LPAR3: variants seen among roughly 807,000 people sequenced by gnomAD.
LPAR3 encodes lysophosphatidic acid receptor 3.
Under a neutral mutation model 17.8 loss-of-function variants are expected in LPAR3, and 7 were observed. That is an observed-to-expected ratio of 0.39 (90% CI 0.22 to 0.74). The LOEUF (loss-of-function observed/expected upper bound fraction) is 0.74, where lower values mean the gene tolerates loss of function less well. Among genes scored for constraint, LPAR3 ranks in the 30% least tolerant of loss-of-function variants. LPAR3 has a pLI of 0.40. For missense variants in LPAR3, 391 were observed against 453.4 expected, an observed-to-expected ratio of 0.86 and a Z score of 1.25; for synonymous variants, 179 against 179.9, an observed-to-expected ratio of 0.99 and a Z score of 0.04.
intron 1 of LPAR3, among the ~76,000 whole-genome samples, chr1:84,891,777 T>G (rs1209509650): frequency 6.6e-6 from 1 of 152,240 alleles, no homozygotes; most frequent in Non-Finnish European, 1.5e-5. Flanking sequence ...ACAGACTAAG[T>G]TGGAACCGTG....
intron 1 of LPAR3, among the ~76,000 whole-genome samples, chr1:84,868,329 C>A (rs992006860): frequency 2.0e-5 from 3 of 152,054 alleles, no homozygotes; most frequent in African/African-American, 7.2e-5. Flanking sequence ...AGGATGGTCT[C>A]GAACTCCTGA....
intron 2 of LPAR3, among the ~76,000 whole-genome samples, chr1:84,855,284 C>T (rs1056231846): frequency 6.6e-5 from 10 of 152,232 alleles, no homozygotes; most frequent in African/African-American, 1.7e-4. Context: ...GGCCAGCACA[C>T]ACCATACTAT....
intron 2 of LPAR3, among the ~76,000 whole-genome samples, chr1:84,849,385 A>AC (rs1357881315): frequency 1.3e-5 from 2 of 151,216 alleles, no homozygotes; most frequent in African/African-American, 4.9e-5. Flanking sequence ...AAAAAAAAAA[A>AC]AAAAAAAAGA....
chr1:84,838,593 C>A (rs1659447960), intron 2 of LPAR3, among the ~76,000 whole-genome samples: 1 of 152,234 alleles, frequency 6.6e-6, no homozygotes, highest in Non-Finnish European at 1.5e-5. Context: ...GTGATTACAT[C>A]AGACCACTAT....
At chr1:84,865,035 G>T (rs1162241909) in intron 2 of LPAR3, among the ~76,000 whole-genome samples, 1 of 151,918 alleles carries the variant, frequency 6.6e-6, no homozygotes, top group Admixed American at 6.6e-5. Context: ...TCACACCTCT[G>T]CTCAAAAGTC....
intron 2 of LPAR3, among the ~76,000 whole-genome samples, chr1:84,814,857 T>C (rs547016715): frequency 6.6e-6 from 1 of 152,214 alleles, no homozygotes; most frequent in Admixed American, 6.5e-5. Context: ...GATGAGATAG[T>C]TAAAAATCTA....
rs767977223 is a variant in LPAR3, at chr1:84,813,970, T to C, written c.938A>G (p.Gln313Arg). Residue 313 changes from glutamine (Q) to arginine (R), a missense_variant, in exon 3 of 3, where the codon CAG becomes CGG. Gln to Arg is a conservative substitution (Grantham distance 43). Transcript: ENST00000370611. ...AGAGGGACGCCTCTCTGGGTTCTCC[T>C]GAGAGAAGCAGCAGATCATCTTCTT... The part of the protein sequence containing the change: ...TMKKMICCFS[Q>R]ENPERRPSRI... 6.2e-7 allele frequency: 1 copy of C among 1,614,160 alleles called. No homozygotes were observed. The highest frequency in any genetic ancestry group is 8.5e-7 in the Non-Finnish European group (1 of 1,180,010).
chr1:84,866,536 C>T (rs1165009137), intron 1 of LPAR3, among the ~76,000 whole-genome samples: 1 of 152,214 alleles, frequency 6.6e-6, no homozygotes, highest in Non-Finnish European at 1.5e-5. Flanking sequence ...AATATCCACT[C>T]TGCACTGGTA....
chr1:84,879,531 T>C (rs1462543216), intron 1 of LPAR3, among the ~76,000 whole-genome samples: 3 of 152,144 alleles, frequency 2.0e-5, no homozygotes, highest in Non-Finnish European at 4.4e-5. Context: ...CAGGATGGTC[T>C]TAATCTCCTG....
At chr1:84,856,528 C>A (rs563388698) in intron 2 of LPAR3, among the ~76,000 whole-genome samples, 1 of 152,116 alleles carries the variant, frequency 6.6e-6, no homozygotes, top group Non-Finnish European at 1.5e-5. Flanking sequence ...GAATTCCTCA[C>A]GAACTTAGGC....
At chr1:84,892,831 C>T (rs1457482810) in intron 1 of LPAR3, among the ~76,000 whole-genome samples, 185 bp downstream of exon 1, 2 of 152,234 alleles carry the variant, frequency 1.3e-5, no homozygotes, top group African/African-American at 2.4e-5. Context: ...TTGTGCCATA[C>T]ACCCGCCGGG....
At chr1:84,892,266 A>C (rs997505286) in intron 1 of LPAR3, among the ~76,000 whole-genome samples, 4 of 149,678 alleles carry the variant, frequency 2.7e-5, no homozygotes, top group Admixed American at 1.3e-4. Flanking sequence ...AATAAAAACT[A>C]ACCTACAAAT....
chr1:84,856,484 T>A (rs886925327), intron 2 of LPAR3, among the ~76,000 whole-genome samples: 6 of 152,244 alleles, frequency 3.9e-5, no homozygotes, highest in African/African-American at 1.4e-4. Flanking sequence ...CAGAAGCAAC[T>A]ACAAGGCCAC....
At chr1:84,830,446 G>A (rs1027959333) in intron 2 of LPAR3, among the ~76,000 whole-genome samples, 1 of 152,088 alleles carries the variant, frequency 6.6e-6, no homozygotes, top group Non-Finnish European at 1.5e-5. Context: ...TTCTTTGAAA[G>A]CCAGCTCACT....
intron 1 of LPAR3, among the ~76,000 whole-genome samples, chr1:84,888,288 C>G (rs1180600430): frequency 6.6e-6 from 1 of 152,094 alleles, no homozygotes; most frequent in Non-Finnish European, 1.5e-5. Flanking sequence ...CTTATTTTCT[C>G]TTCACCAGAC....
At chr1:84,856,899 A>C (rs180843335) in intron 2 of LPAR3, among the ~76,000 whole-genome samples, 2 of 152,316 alleles carry the variant, frequency 1.3e-5, no homozygotes, top group East Asian at 3.9e-4. Flanking sequence ...TAATGGAAAG[A>C]TCATCTGTCA....
In LPAR3 at chr1:84,813,131, ATAT is replaced by A. The variant is rs1658847863; in HGVS notation, c.*712_*714del. ...TAAAAATCAGTAAAAACAGGAATAT[ATAT>A]ATATATATATATATATATATATATA... On this transcript the variant is annotated 3_prime_UTR_variant, in exon 3 of 3. Transcript: ENST00000370611. 1 of 92,816 alleles carries A rather than the reference ATAT, an allele frequency of 1.1e-5. No individual in the cohort carries two copies. The highest frequency in any genetic ancestry group is 2.3e-5 in the Non-Finnish European group (1 of 43,840). 5.7% of individuals were successfully genotyped at this position (92,816 alleles called of 1,614,324 possible). A position where few individuals can be genotyped will look rare whatever the true frequency, so the allele number is the denominator to read the frequency against.
chr1:84,818,292 G>A (rs535473462), intron 2 of LPAR3, among the ~76,000 whole-genome samples: 7 of 152,228 alleles, frequency 4.6e-5, no homozygotes, highest in African/African-American at 7.2e-5. Flanking sequence ...AGGAATTATC[G>A]TATTATGACA....
At chr1:84,879,974 G>T (rs1660333475) in intron 1 of LPAR3, among the ~76,000 whole-genome samples, 1 of 152,164 alleles carries the variant, frequency 6.6e-6, no homozygotes, top group Non-Finnish European at 1.5e-5. Context: ...ACTCAGAAAT[G>T]TTTATAGCAA....
Sources: gnomAD v4.1 joint callset for allele counts (sites outside exome capture counted in the v4.1 genomes callset) on GRCh38, gnomAD v4.1.1 for gene constraint, MANE v1.5 for transcripts, NCBI Gene and HGNC (gene_info 2026-07-23, HGNC 2026-07-21) for gene names.